BCO2: variants seen among roughly 807,000 people sequenced by gnomAD.
BCO2 encodes the protein carotenoid-cleaving dioxygenase, mitochondrial.
BCO2 carries 56 observed loss-of-function variants against 65.8 expected under a neutral mutation model. The observed-to-expected ratio is 0.85, with a 90% CI of 0.69 to 1.06. BCO2 has a LOEUF of 1.06. Ranked by LOEUF, BCO2 falls within the 50% of genes least tolerant of loss-of-function variation. BCO2 has a pLI of 0.00. For missense variants in BCO2, 675 were observed against 698.5 expected, an observed-to-expected ratio of 0.97 and a Z score of 0.38; for synonymous variants, 233 against 242.3, an observed-to-expected ratio of 0.96 and a Z score of 0.36.
chr11:112,179,337 GGTC>G lies in BCO2; in HGVS notation c.149_151del (p.Gly50_Leu51delinsVal). The G allele has an allele frequency of 1.2e-6, 2 of 1,614,176 alleles. No individual in the cohort carries two copies. The highest frequency in any genetic ancestry group is 4.5e-5 in the East Asian group (2 of 44,878). ...AAAAGCCGTCTTTGGGCAGTGTCGG[GGTC>G]TGCCATGTGTTGCACCGCTGCTGAC... On this transcript the variant is annotated inframe_deletion, in exon 2 of 12. Transcript: ENST00000357685.
intron 7 of BCO2, among the ~76,000 whole-genome samples, chr11:112,201,148 T>C (rs1412777511): frequency 7.0e-6 from 1 of 142,832 alleles, no homozygotes; most frequent in African/African-American, 2.5e-5. Context: ...TTTTTCCTTT[T>C]TTTTTGAGAT....
At chr11:112,176,240 C>T (rs1007996966) in intron 1 of BCO2, 5 of 153,250 alleles carry the variant, frequency 3.3e-5, no homozygotes, top group East Asian at 1.9e-4. Context: ...GAATGTATTA[C>T]GTACTGGAAG....
At chr11:112,187,281 C>T (rs954503171) in intron 2 of BCO2, among the ~76,000 whole-genome samples, 18 of 152,210 alleles carry the variant, frequency 1.2e-4, no homozygotes, top group African/African-American at 4.3e-4. Flanking sequence ...CGCTCACTTC[C>T]TTTGCCCTGG....
At chr11:112,200,506 G>A (rs1867697759) in intron 6 of BCO2, 107 bp from the exon 7 acceptor site, 2 of 929,536 alleles carry the variant, frequency 2.2e-6, no homozygotes, top group African/African-American at 1.7e-5. Flanking sequence ...ATTTGTTTAG[G>A]GCATCAGTAA....
rs770508111 is a variant in BCO2 at position 112,194,761 on chromosome 11, G to T, written c.736+6G>T. 1 of 1,543,672 alleles carries T rather than the reference G, an allele frequency of 6.5e-7. No individual in the cohort carries two copies. Among genetic ancestry groups the T allele is most frequent in the Non-Finnish European group, 8.9e-7 (1 of 1,122,280 alleles). On this transcript the variant is annotated splice_donor_region_variant and intron_variant, in intron 5 of 11. Coordinates refer to ENST00000357685, the MANE Select transcript of BCO2 (RefSeq NM_031938.7). Reference sequence around the variant, plus strand: ...GAACTCCTTTGGGCCATATGGTAAAGTTGCAATAAAGGTCTTTTTAGAAAT... The same window carrying T: ...GAACTCCTTTGGGCCATATGGTAAATTTGCAATAAAGGTCTTTTTAGAAAT...
intron 2 of BCO2, among the ~76,000 whole-genome samples, chr11:112,192,925 G>GTTTTTTAT (rs1555194997): frequency 2.7e-5 from 1 of 36,658 alleles, no homozygotes; most frequent in South Asian, 1.5e-3. Flanking sequence ...AAAATGTGAG[G>GTTTTTTAT]TTTTTTTTTT....
chr11:112,175,705 C>G lies in BCO2; in HGVS notation c.88+16C>G, dbSNP rs1866864661. 6.3e-6 allele frequency: 10 copies of G among 1,594,632 alleles called. No homozygotes were observed. The highest frequency in any genetic ancestry group is 8.6e-6 in the Non-Finnish European group (10 of 1,162,286). Reference sequence around the variant, plus strand: ...CGGCTCCCAGGTAGAGGGTTTGCCCCTTTCTCTTCCTCATCCTCCTCTTCT... The same window carrying G: ...CGGCTCCCAGGTAGAGGGTTTGCCCGTTTCTCTTCCTCATCCTCCTCTTCT... On this transcript the variant is annotated intron_variant, in intron 1 of 11. Coordinates refer to ENST00000357685, the MANE Select transcript of BCO2 (RefSeq NM_031938.7).
At chr11:112,196,661 T>C (rs149162429) in intron 5 of BCO2, among the ~76,000 whole-genome samples, 19 of 152,278 alleles carry the variant, frequency 1.2e-4, no homozygotes, top group African/African-American at 4.6e-4. Flanking sequence ...TCAAAACATA[T>C]CTATATCCCC....
chr11:112,211,889 T>C (rs1055459306), intron 8 of BCO2, among the ~76,000 whole-genome samples: 1 of 152,234 alleles, frequency 6.6e-6, no homozygotes, highest in African/African-American at 2.4e-5. Context: ...AATTTCTAGT[T>C]GTTTTCAATG....
rs375289708 is a variant in BCO2 at position 112,214,948 on chromosome 11, A to G, written c.1515+4A>G. 9.9e-6 allele frequency: 16 copies of G among 1,613,968 alleles called. No homozygotes were observed. The African/African-American group carries it at 1.6e-4, about 16-fold the overall frequency. ...TGTGGTGAATAAGACACTGAAGGTGATGAAAAACTCTTTCCTTTTTGAACT... is the reference window on the plus strand; with the variant it reads ...TGTGGTGAATAAGACACTGAAGGTGGTGAAAAACTCTTTCCTTTTTGAACT... On this transcript the variant is annotated splice_donor_region_variant and intron_variant, in intron 10 of 11. Transcript: ENST00000357685.
chr11:112,201,938 A>G, intron 7 of BCO2, 85 bp from the exon 8 acceptor site: 3 of 1,206,938 alleles, frequency 2.5e-6, no homozygotes, highest in Non-Finnish European at 2.3e-6. Flanking sequence ...CTTATTTTGA[A>G]CTTTTTGGAC....
At chr11:112,193,809 C>T (rs1185484404) in intron 3 of BCO2, 70 bp from the exon 4 acceptor site, 2 of 1,469,002 alleles carry the variant, frequency 1.4e-6, no homozygotes, top group East Asian at 4.5e-5. Flanking sequence ...TGCTTTCTCC[C>T]TTTGAGTGTG....
intron 6 of BCO2, chr11:112,200,397 A>G: frequency 2.4e-6 from 1 of 411,890 alleles, no homozygotes. Flanking sequence ...AGCTGAGAAC[A>G]TGCAACCCAA....
intron 2 of BCO2, chr11:112,181,175 G>A: frequency 1.4e-6 from 1 of 726,512 alleles, no homozygotes; most frequent in Non-Finnish European, 2.3e-6. Context: ...TGATAGAGGA[G>A]CTTTCTTTTT....
chr11:112,214,672 C>A, intron 9 of BCO2, 90 bp from the exon 10 acceptor site: 1 of 1,072,144 alleles, frequency 9.3e-7, no homozygotes, highest in Non-Finnish European at 1.4e-6. Context: ...TGTCACAAAC[C>A]TTTATAGGGT....
intron 2 of BCO2, among the ~76,000 whole-genome samples, chr11:112,188,388 G>C (rs1194832459): frequency 6.6e-6 from 1 of 152,144 alleles, no homozygotes; most frequent in African/African-American, 2.4e-5. Context: ...TGGGCTCCTC[G>C]TTGGCTTCTT....
At chr11:112,182,146 A>G (rs894186419) in intron 2 of BCO2, among the ~76,000 whole-genome samples, 2 of 152,194 alleles carry the variant, frequency 1.3e-5, no homozygotes, top group Non-Finnish European at 2.9e-5. Flanking sequence ...CAAAACCACA[A>G]TGAGATACCA....
intron 2 of BCO2, chr11:112,182,853 A>ATAT (rs889138113): frequency 4.5e-5 from 41 of 917,950 alleles, no homozygotes; most frequent in Non-Finnish European, 7.0e-5. Context: ...ATATATATAT[A>ATAT]AAAAGATGCT....
intron 8 of BCO2, among the ~76,000 whole-genome samples, chr11:112,203,602 A>G (rs1657171301): frequency 6.6e-6 from 1 of 152,242 alleles, no homozygotes; most frequent in African/African-American, 2.4e-5. Flanking sequence ...GTGTGACAAG[A>G]GCAGTTAAAA....
Sources: gnomAD v4.1 joint callset for allele counts (sites outside exome capture counted in the v4.1 genomes callset) on GRCh38, gnomAD v4.1.1 for gene constraint, MANE v1.5 for transcripts, NCBI Gene and HGNC (gene_info 2026-07-23, HGNC 2026-07-21) for gene names.